SPOCK1: variants seen among roughly 807,000 people sequenced by gnomAD.
SPOCK1 encodes SPARC (osteonectin), cwcv and kazal like domains proteoglycan 1.
SPOCK1 carries 23 observed loss-of-function variants against 55.3 expected under a neutral mutation model. That is an observed-to-expected ratio of 0.42 (90% confidence interval 0.30 to 0.59). SPOCK1 has a LOEUF of 0.59. Among genes scored for constraint, SPOCK1 ranks in the 20% least tolerant of loss-of-function variants. The probability of loss-of-function intolerance (pLI) is 0.22; values close to 1 mark genes in which losing one functional copy is unlikely to be tolerated. For missense variants in SPOCK1, 499 were observed against 552.5 expected (o/e 0.90, Z 0.97); for synonymous variants, 226 against 221.0 (o/e 1.02, Z -0.20).
chr5:137,079,537 C>CG (rs113227004), intron 5 of SPOCK1, among the ~76,000 whole-genome samples: 21,368 of 91,806 alleles, frequency 0.23, 2,600 homozygotes, highest in East Asian at 0.52. Flanking sequence ...TCTGATTCCC[C>CG]CCCCCCCCGA....
intron 5 of SPOCK1, among the ~76,000 whole-genome samples, chr5:137,083,814 G>T (rs1441193560): frequency 1.3e-5 from 2 of 151,932 alleles, no homozygotes; most frequent in African/African-American, 4.8e-5. Flanking sequence ...GCTTGGGGAA[G>T]TTTGCCAGGC....
intron 1 of SPOCK1, 118 bp from the exon 2 acceptor site, chr5:137,498,676 G>C (rs1754363265): frequency 4.7e-6 from 4 of 849,236 alleles, no homozygotes; most frequent in Non-Finnish European, 6.0e-6. Context: ...GGCACGGGCA[G>C]CGCTCGCGCA....
chr5:137,358,457 G>C (rs1246125039), intron 2 of SPOCK1, among the ~76,000 whole-genome samples: 1 of 127,226 alleles, frequency 7.9e-6, no homozygotes, highest in East Asian at 2.2e-4. Context: ...AGGGAGGGAA[G>C]GGGAGGGGAG....
At chr5:137,493,491 G>C (rs1437196765) in intron 2 of SPOCK1, among the ~76,000 whole-genome samples, 1 of 152,220 alleles carries the variant, frequency 6.6e-6, no homozygotes, top group Non-Finnish European at 1.5e-5. Flanking sequence ...AAGGAGCTCT[G>C]CCATCTGAGA....
chr5:136,979,262 GATCCTTATGC>G, intron 10 of SPOCK1, 60 bp downstream of exon 10: 1 of 1,593,300 alleles, frequency 6.3e-7, no homozygotes, highest in South Asian at 1.1e-5. Context: ...CTTCTGCAGA[GATCCTTATGC>G]AGTGAGGAAC....
chr5:137,009,240 T>C (rs901269715), intron 6 of SPOCK1, among the ~76,000 whole-genome samples: 1 of 152,156 alleles, frequency 6.6e-6, no homozygotes, highest in African/African-American at 2.4e-5. Flanking sequence ...CACCTACAGA[T>C]AAGCATATAA....
chr5:137,088,966 C>T (rs543857431), intron 5 of SPOCK1, among the ~76,000 whole-genome samples: 1 of 152,274 alleles, frequency 6.6e-6, no homozygotes, highest in East Asian at 1.9e-4. Context: ...AAGCAAGAAG[C>T]TTCTACTGTG....
intron 2 of SPOCK1, among the ~76,000 whole-genome samples, chr5:137,367,939 G>T (rs1045102499): frequency 6.6e-6 from 1 of 152,218 alleles, no homozygotes; most frequent in Admixed American, 6.5e-5. Context: ...TTAGGAAACT[G>T]CAGTGGAAAT....
At chr5:137,289,226 G>T (rs1757322121) in intron 2 of SPOCK1, among the ~76,000 whole-genome samples, 2 of 152,130 alleles carry the variant, frequency 1.3e-5, no homozygotes, top group Admixed American at 1.3e-4. Flanking sequence ...TAATACTCTT[G>T]TTTAATAAAT....
At chr5:137,451,932 G>C (rs144939131) in intron 2 of SPOCK1, among the ~76,000 whole-genome samples, 1 of 152,178 alleles carries the variant, frequency 6.6e-6, no homozygotes, top group South Asian at 2.1e-4. Context: ...TAAAATGCTT[G>C]GGACCAGTAG....
intron 2 of SPOCK1, among the ~76,000 whole-genome samples, chr5:137,405,535 A>G (rs959420806): frequency 5.3e-5 from 8 of 152,120 alleles, no homozygotes; most frequent in African/African-American, 1.9e-4. Context: ...CACCTCTGTC[A>G]CCGTGAATAA....
At chr5:137,297,932 C>G (rs1196003337) in intron 2 of SPOCK1, among the ~76,000 whole-genome samples, 1 of 152,082 alleles carries the variant, frequency 6.6e-6, no homozygotes, top group Non-Finnish European at 1.5e-5. Flanking sequence ...CTCATCAAGA[C>G]AGGAAATGTG....
intron 6 of SPOCK1, among the ~76,000 whole-genome samples, chr5:137,063,984 C>T (rs376890073): frequency 5.3e-5 from 8 of 152,122 alleles, no homozygotes; most frequent in African/African-American, 1.7e-4. Context: ...TTCTGTGCCC[C>T]TGAACAGGGC....
At chr5:137,118,829 G>A (rs1011195970) in intron 4 of SPOCK1, among the ~76,000 whole-genome samples, 2 of 152,176 alleles carry the variant, frequency 1.3e-5, no homozygotes, top group Non-Finnish European at 2.9e-5. Context: ...TATAACTTTA[G>A]ATAAAACTGT....
chr5:137,411,679 T>C (rs1752211139), intron 2 of SPOCK1, among the ~76,000 whole-genome samples: 1 of 152,190 alleles, frequency 6.6e-6, no homozygotes, highest in South Asian at 2.1e-4. Context: ...CCTCACTTTA[T>C]CTTCTGTAAA....
At chr5:137,369,953 C>G (rs1311579830) in intron 2 of SPOCK1, among the ~76,000 whole-genome samples, 2 of 152,190 alleles carry the variant, frequency 1.3e-5, no homozygotes, top group East Asian at 3.8e-4. Context: ...TTCGGAGGAA[C>G]ACAATTCTAT....
At chr5:137,355,217 G>T (rs1181271801) in intron 2 of SPOCK1, among the ~76,000 whole-genome samples, 2 of 148,946 alleles carry the variant, frequency 1.3e-5, no homozygotes, top group Non-Finnish European at 3.0e-5. Context: ...TAAGAGTTTT[G>T]GTCTCACTCT....
At chr5:137,488,723 GA>G (rs1292072708) in intron 2 of SPOCK1, among the ~76,000 whole-genome samples, 2 of 152,220 alleles carry the variant, frequency 1.3e-5, no homozygotes, top group East Asian at 3.9e-4. Flanking sequence ...AGATTGCCTG[GA>G]ACACCTGCAG....
rs558781102 is a variant in SPOCK1, at chr5:137,110,846, C to G, written c.474+1589G>C. On this transcript the variant is annotated intron_variant, in intron 5 of 10. Transcript: ENST00000394945. The stretch of plus-strand genomic sequence containing the variant: ...GCACTAGAAATGGATCAAATGATAA[C>G]CTGTTGAATGAACCAAGGAACCAAT... 2.0e-5 allele frequency among the ~76,000 whole-genome samples: 3 copies of G among 152,212 alleles called. No individual in the cohort carries two copies. In the East Asian group the frequency reaches 5.8e-4, roughly 29 times the overall value.
Sources: gnomAD v4.1 joint callset for allele counts (sites outside exome capture counted in the v4.1 genomes callset) on GRCh38, gnomAD v4.1.1 for gene constraint, MANE v1.5 for transcripts, NCBI Gene and HGNC (gene_info 2026-07-23, HGNC 2026-07-21) for gene names.